The following APOL4 variants were observed in gnomAD, a reference collection of about 807,000 sequenced individuals.
APOL4 encodes the protein apolipoprotein L, 4.
APOL4 carries 14 observed loss-of-function variants against 12.1 expected under a neutral mutation model. The ratio of observed to expected loss-of-function variants is 1.16; its 90% CI spans 0.76 to 1.81. The LOEUF (loss-of-function observed/expected upper bound fraction) is 1.81, where lower values mean the gene tolerates loss of function less well. APOL4 is among the 40% of genes most tolerant of loss of function. The pLI is 0.00. For missense variants in APOL4, 432 were observed against 423.1 expected, an observed-to-expected ratio of 1.02 and a Z score of -0.18; for synonymous variants, 171 against 160.6, an observed-to-expected ratio of 1.06 and a Z score of -0.49.
Position 36,201,702 on chromosome 22 carries a change from G to C in APOL4, c.33C>G (p.Val11=). 1 of 1,607,086 alleles carries C rather than the reference G, an allele frequency of 6.2e-7. No individual in the cohort carries two copies. Among genetic ancestry groups the C allele is most frequent in the Non-Finnish European group, 8.5e-7 (1 of 1,177,218 alleles). The change falls in exon 1 of 4, where the codon GTC becomes GTG. Residue 11 remains valine, a splice_region_variant and synonymous_variant. Coordinates refer to ENST00000683024, the MANE Select transcript of APOL4 (RefSeq NM_001386885.1). ...GAGAGCTGGGGCCTCGGACTCACCC[G>C]ACGCTTGTGATGAGCTGCACCCAGG... MGSWVQLITS[V]GVQQNHPGWT... is the part of the protein sequence containing the mutation.
chr22:36,194,846 C>T (rs1366016700), intron 3 of APOL4, among the ~76,000 whole-genome samples: 1 of 152,206 alleles, frequency 6.6e-6, no homozygotes, highest in African/African-American at 2.4e-5. Context: ...ATTTTTCTGA[C>T]TTTTCCCAAA....
At chr22:36,201,324 G>C (rs1431331384) in intron 1 of APOL4, among the ~76,000 whole-genome samples, 4 of 149,864 alleles carry the variant, frequency 2.7e-5, no homozygotes, top group African/African-American at 9.9e-5. Flanking sequence ...CCCTGATGGG[G>C]TTCCATCCTC....
intron 1 of APOL4, 124 bp downstream of exon 1, chr22:36,201,576 G>A: frequency 8.4e-7 from 1 of 1,187,656 alleles, no homozygotes; most frequent in Non-Finnish European, 1.1e-6. Context: ...CCTTCTTCCT[G>A]CTTTGTTCAC....
rs2014225116 is a variant in APOL4, at chr22:36,191,000, A to T, written c.*75T>A. On this transcript the variant is annotated 3_prime_UTR_variant, in exon 4 of 4. Transcript: ENST00000683024. ...ACTAATAAATGTCCATGAAATCTTC[A>T]CAATCCACGTTCTTCTGCCATGGCT... The T allele has an allele frequency of 7.7e-7, 1 of 1,292,654 alleles. No individual in the cohort carries two copies. Among genetic ancestry groups the T allele is most frequent in the Non-Finnish European group, 1.1e-6 (1 of 948,800 alleles). 80.1% of individuals were successfully genotyped at this position (1,292,654 alleles called of 1,614,324 possible). A position where few individuals can be genotyped will look rare whatever the true frequency, so the allele number is the denominator to read the frequency against.
At position 36,200,054 on chromosome 22, in the gene APOL4, G is replaced by A. The variant is rs186834019; in HGVS notation, c.36-678C>T. ...GATCTCCTGACCTCATGATCAGCCC[G>A]TCTCGGCCTCCCAAAGTGCTGGGAT... On this transcript the variant is annotated intron_variant, in intron 1 of 3. Coordinates refer to ENST00000683024, the MANE Select transcript of APOL4 (RefSeq NM_001386885.1). Among the ~76,000 whole-genome samples, 596 of 151,614 alleles carry A rather than the reference G, an allele frequency of 3.9e-3. 3 individuals are homozygous for A. Among genetic ancestry groups the A allele is most frequent in the African/African-American group, 0.013 (537 of 41,304 alleles).
rs951024907 is a variant in APOL4 at position 36,193,403 on chromosome 22, A to G, written c.210-1491T>C. Among the ~76,000 whole-genome samples, 3 of 152,228 alleles carry G rather than the reference A, an allele frequency of 2.0e-5. No individual in the cohort carries two copies. The East Asian group carries it at 5.8e-4, about 29-fold the overall frequency. On this transcript the variant is annotated intron_variant, in intron 3 of 3. Transcript: ENST00000683024. ...GAGCTTCCCTGGTTGGCAACACCCCATGTGTTTTGTTCCACATTGACACAG... is the reference window on the plus strand; with the variant it reads ...GAGCTTCCCTGGTTGGCAACACCCCGTGTGTTTTGTTCCACATTGACACAG...
chr22:36,196,809 C>T (rs111993715), intron 2 of APOL4, among the ~76,000 whole-genome samples: 3,090 of 152,274 alleles, frequency 0.02, 58 homozygotes, highest in African/African-American at 0.041. Flanking sequence ...TCAAGGCCAG[C>T]GTTCCCTTGC....
intron 3 of APOL4, among the ~76,000 whole-genome samples, chr22:36,194,236 C>T (rs974488094): frequency 1.3e-5 from 2 of 152,096 alleles, no homozygotes; most frequent in African/African-American, 2.4e-5. Context: ...AAATGGCAGC[C>T]CAGAACTCCC....
chr22:36,203,384 A>G (rs112175641), upstream of APOL4, among the ~76,000 whole-genome samples: 2 of 152,312 alleles, frequency 1.3e-5, no homozygotes, highest in South Asian at 2.1e-4. Flanking sequence ...GGATGGTCAC[A>G]TGGGGATGAA....
chr22:36,201,899 C>G, upstream of APOL4: 1 of 1,604,778 alleles, frequency 6.2e-7, no homozygotes, highest in South Asian at 1.1e-5. Context: ...CTAGAAAAAC[C>G]CACATGGCTC....
At chr22:36,197,059 A>G (rs1180890864) in intron 2 of APOL4, among the ~76,000 whole-genome samples, 1 of 152,106 alleles carries the variant, frequency 6.6e-6, no homozygotes, top group Non-Finnish European at 1.5e-5. Flanking sequence ...GTCTCAGGGT[A>G]CACGGCTCCC....
chr22:36,198,064 A>G (rs1214406227), intron 2 of APOL4, among the ~76,000 whole-genome samples: 2 of 152,082 alleles, frequency 1.3e-5, no homozygotes, highest in Admixed American at 6.5e-5. Context: ...TAAACCCACA[A>G]AGTCAGAAAC....
At chr22:36,192,001 A>G (rs2146935696) in intron 3 of APOL4, 89 bp from the exon 4 acceptor site, 2 of 1,179,286 alleles carry the variant, frequency 1.7e-6, no homozygotes, top group South Asian at 3.1e-5. Flanking sequence ...TAAATCACAG[A>G]GCTGTTTCTA....
At chr22:36,198,997 AC>A (rs1165344885) in intron 2 of APOL4, among the ~76,000 whole-genome samples, 1 of 152,148 alleles carries the variant, frequency 6.6e-6, no homozygotes, top group Non-Finnish European at 1.5e-5. Flanking sequence ...CTCCTGGCCA[AC>A]CCTCAAAAGC....
At chr22:36,202,186 T>A, upstream of APOL4, 1 of 1,233,644 alleles carries the variant, frequency 8.1e-7, no homozygotes, top group South Asian at 1.4e-5. Flanking sequence ...AGCTCATTGC[T>A]GCCTAGATCT....
chr22:36,200,173 C>T (rs1488111921), intron 1 of APOL4, among the ~76,000 whole-genome samples: 1 of 152,176 alleles, frequency 6.6e-6, no homozygotes, highest in East Asian at 1.9e-4. Flanking sequence ...AGATGGGTAC[C>T]ACTTTCCCAT....
chr22:36,196,640 C>T (rs1603478279), intron 2 of APOL4, among the ~76,000 whole-genome samples: 1 of 152,132 alleles, frequency 6.6e-6, no homozygotes, highest in African/African-American at 2.4e-5. Flanking sequence ...GGGCTGGGAA[C>T]CAGTTTGTAT....
chr22:36,192,842 G>T (rs2014301161), intron 3 of APOL4, among the ~76,000 whole-genome samples: 1 of 152,188 alleles, frequency 6.6e-6, no homozygotes, highest in Non-Finnish European at 1.5e-5. Flanking sequence ...GGGAAGGGCT[G>T]GAGACTCCAT....
chr22:36,200,432 G>C (rs1422792879), intron 1 of APOL4, among the ~76,000 whole-genome samples: 1 of 152,184 alleles, frequency 6.6e-6, no homozygotes, highest in Non-Finnish European at 1.5e-5. Context: ...TGTCCCCCTT[G>C]CTTCTCTAAG....
Sources: allele counts gnomAD v4.1 joint callset (sites outside exome capture counted in the v4.1 genomes callset), GRCh38; gene constraint gnomAD v4.1.1; transcripts MANE v1.5; gene names NCBI Gene and HGNC (gene_info 2026-07-23, HGNC 2026-07-21).